The following PCGF5 variants were observed in gnomAD, a reference collection of about 807,000 sequenced individuals.
PCGF5 encodes polycomb group RING finger protein 5.
In PCGF5, 9 loss-of-function variants were observed where a neutral mutation model predicts 44.3. That is an observed-to-expected ratio of 0.20 (90% CI 0.12 to 0.35). The LOEUF is 0.35. Ranked by LOEUF, PCGF5 falls within the 10% of genes least tolerant of loss-of-function variation. The probability of loss-of-function intolerance (pLI) is 1.00; values close to 1 mark genes in which losing one functional copy is unlikely to be tolerated. For missense variants in PCGF5, 146 were observed against 305.3 expected, an observed-to-expected ratio of 0.48 and a Z score of 3.89; for synonymous variants, 95 against 102.5, an observed-to-expected ratio of 0.93 and a Z score of 0.44.
Position 91,199,445 on chromosome 10 carries a change from C to T in PCGF5, c.-183-23244C>T, listed in dbSNP as rs893470328. 2.6e-5 allele frequency among the ~76,000 whole-genome samples: 4 copies of T among 152,214 alleles called. No homozygotes were observed. The South Asian group carries it at 8.3e-4, about 32-fold the overall frequency. On this transcript the variant is annotated intron_variant, in intron 1 of 9. Coordinates refer to the PCGF5 transcript ENST00000614189. ...CCTTTATACTCCAGCATCCCTCAGT[C>T]CTTGCATCCTTGGGAAAGTGACCTT...
chr10:91,268,809 A>G (rs765993533), intron 8 of PCGF5, among the ~76,000 whole-genome samples: 1 of 152,068 alleles, frequency 6.6e-6, no homozygotes, highest in Non-Finnish European at 1.5e-5. Flanking sequence ...CCTGTTTTCT[A>G]TGGTCCCTGC....
intron 1 of PCGF5, among the ~76,000 whole-genome samples, chr10:91,169,979 A>T (rs1843574106): frequency 6.6e-6 from 1 of 152,260 alleles, no homozygotes; most frequent in Non-Finnish European, 1.5e-5. Flanking sequence ...AATACAGTCA[A>T]GTGATCTTTG....
chr10:91,252,191 C>T (rs12264238), intron 6 of PCGF5, among the ~76,000 whole-genome samples: 19,817 of 151,928 alleles, frequency 0.13, 2,422 homozygotes, highest in African/African-American at 0.32. Context: ...TTTATCCTAG[C>T]AAATGTCAGC....
rs1427155577 is a variant in PCGF5, at chr10:91,278,958, G to A, written c.*642G>A. 1 of 152,580 alleles carries A rather than the reference G, an allele frequency of 6.6e-6. No homozygotes were observed. The highest frequency in any genetic ancestry group is 2.4e-5 in the African/African-American group (1 of 41,414). The allele number at this position is 152,580 out of a possible 1,614,324, so 9.5% of individuals were successfully genotyped here. A position where few individuals can be genotyped will look rare whatever the true frequency, so the allele number is the denominator to read the frequency against. On this transcript the variant is annotated 3_prime_UTR_variant, in exon 10 of 10. Coordinates refer to ENST00000336126, the MANE Select transcript of PCGF5 (RefSeq NM_032373.5). Reference sequence around the variant, plus strand: ...CCGTGTAGTCTACCAATTGCACAAGGAAGGCATGTTAGCCCTCCAGATTGA... The same window carrying A: ...CCGTGTAGTCTACCAATTGCACAAGAAAGGCATGTTAGCCCTCCAGATTGA...
At chr10:91,200,419 GATGT>G (rs1389695958) in intron 1 of PCGF5, among the ~76,000 whole-genome samples, 1 of 152,190 alleles carries the variant, frequency 6.6e-6, no homozygotes, top group Non-Finnish European at 1.5e-5. Context: ...AAGAACAGGG[GATGT>G]AGCCCCTTTC....
Position 91,226,456 on chromosome 10 carries a change from T to C in PCGF5, c.112+3473T>C, listed in dbSNP as rs190888403. Among the ~76,000 whole-genome samples, 437 of 152,294 alleles carry C rather than the reference T, an allele frequency of 2.9e-3. 4 individuals are homozygous for C. Among genetic ancestry groups the C allele is most frequent in the African/African-American group, 8.9e-3 (368 of 41,572 alleles). Reference sequence around the variant, plus strand: ...CAGACCATATGCCATCTCAGGCAGATAGTAGCCCTTGAGTAGTGGTGCAGA... The same window carrying C: ...CAGACCATATGCCATCTCAGGCAGACAGTAGCCCTTGAGTAGTGGTGCAGA... On this transcript the variant is annotated intron_variant, in intron 2 of 9. Transcript: ENST00000336126.
At chr10:91,275,445 A>AT (rs67394295) in intron 9 of PCGF5, among the ~76,000 whole-genome samples, 23,409 of 144,758 alleles carry the variant, frequency 0.16, 2,157 homozygotes, top group Non-Finnish European at 0.22. Context: ...ACTACATTTT[A>AT]TTTTTTTTTT....
chr10:91,211,222 A>G (rs1263153283), intron 1 of PCGF5, among the ~76,000 whole-genome samples: 1 of 152,250 alleles, frequency 6.6e-6, no homozygotes, highest in South Asian at 2.1e-4. Context: ...CATGTATACA[A>G]TACTGACTTG....
intron 1 of PCGF5, among the ~76,000 whole-genome samples, chr10:91,186,019 T>C (rs1044215139): frequency 1.8e-4 from 27 of 152,192 alleles, no homozygotes; most frequent in African/African-American, 6.5e-4. Context: ...TCAGCCATCT[T>C]GGTCGCTCCC....
At chr10:91,216,229 G>C (rs555108273), upstream of PCGF5, among the ~76,000 whole-genome samples, 28 of 152,292 alleles carry the variant, frequency 1.8e-4, no homozygotes, top group African/African-American at 4.8e-4. Context: ...GTATACAGGA[G>C]GCTCTTTGGC....
chr10:91,214,994 A>C (rs1294606294), intron 1 of PCGF5, among the ~76,000 whole-genome samples: 1 of 152,236 alleles, frequency 6.6e-6, no homozygotes, highest in Non-Finnish European at 1.5e-5. Flanking sequence ...AAAAAGGATT[A>C]AAGAATCAAT....
chr10:91,253,856 T>G (rs1845680493), intron 6 of PCGF5, among the ~76,000 whole-genome samples: 1 of 152,104 alleles, frequency 6.6e-6, no homozygotes, highest in African/African-American at 2.4e-5. Flanking sequence ...CCATATGGTC[T>G]CTGTTGCAAT....
upstream of PCGF5, among the ~76,000 whole-genome samples, chr10:91,216,506 G>C (rs1213109544): frequency 6.6e-6 from 1 of 152,182 alleles, no homozygotes; most frequent in Non-Finnish European, 1.5e-5. Context: ...CTAGAAATGA[G>C]GTTTTTTAAA....
intron 1 of PCGF5, among the ~76,000 whole-genome samples, chr10:91,214,251 G>A (rs762952919): frequency 4.0e-5 from 6 of 151,874 alleles, no homozygotes; most frequent in African/African-American, 9.7e-5. Context: ...GCAATGAGGC[G>A]TGATTGCACC....
chr10:91,268,796 A>T (rs1490220966), intron 8 of PCGF5, among the ~76,000 whole-genome samples: 1 of 152,134 alleles, frequency 6.6e-6, no homozygotes, highest in African/African-American at 2.4e-5. Context: ...ACTTCAGGCT[A>T]AGCCTGTTTT....
intron 7 of PCGF5, among the ~76,000 whole-genome samples, chr10:91,262,768 A>G (rs193008585): frequency 2.3e-4 from 35 of 152,362 alleles, no homozygotes; most frequent in African/African-American, 8.4e-4. Context: ...ATAAAGCCCA[A>G]TGTACTTGGT....
At chr10:91,191,576 A>G (rs1844034206) in intron 1 of PCGF5, among the ~76,000 whole-genome samples, 1 of 152,248 alleles carries the variant, frequency 6.6e-6, no homozygotes, top group African/African-American at 2.4e-5. Flanking sequence ...ACTAACATGT[A>G]GGTAATCTAG....
At chr10:91,158,350 C>G (rs149521974), upstream of PCGF5, among the ~76,000 whole-genome samples, 25 of 152,288 alleles carry the variant, frequency 1.6e-4, no homozygotes, top group African/African-American at 5.8e-4. Context: ...TCACATTCAG[C>G]TGTTACCATG....
chr10:91,264,916 A>T lies in PCGF5; in HGVS notation c.663+396A>T, dbSNP rs543626376. On this transcript the variant is annotated intron_variant, in intron 8 of 9. Transcript: ENST00000336126. ...GGGTGTTTATTTTTGGTTGTGGTAG[A>T]GGGGACACATAGGGTAGAATCTAAA... 7.2e-5 allele frequency among the ~76,000 whole-genome samples: 11 copies of T among 152,288 alleles called. No homozygotes were observed. In the South Asian group the frequency reaches 2.3e-3, roughly 32 times the overall value.
Sources: gnomAD v4.1 joint callset for allele counts (sites outside exome capture counted in the v4.1 genomes callset) on GRCh38, gnomAD v4.1.1 for gene constraint, MANE v1.5 for transcripts, NCBI Gene and HGNC (gene_info 2026-07-23, HGNC 2026-07-21) for gene names.